Variants in ABCA12 observed in about 807,000 individuals in gnomAD.
ABCA12 encodes ATP binding cassette subfamily A member 12.
In ABCA12, 156 loss-of-function variants were observed where a neutral mutation model predicts 293.5. The ratio of observed to expected loss-of-function variants is 0.53; its 90% CI spans 0.47 to 0.61. The LOEUF is 0.61. ABCA12 is among the 20% of genes least tolerant of loss of function. The probability of loss-of-function intolerance (pLI) is 0.00; values close to 1 mark genes in which losing one functional copy is unlikely to be tolerated. For synonymous variants in ABCA12, 1,063 were observed against 1,108.0 expected, an observed-to-expected ratio of 0.96 and a Z score of 0.81; for missense variants, 2,797 against 3,090.2, an observed-to-expected ratio of 0.91 and a Z score of 2.25.
rs753712967 is a variant in ABCA12, at chr2:215,138,124, C to CT, written c.69+15dup. On this transcript the variant is annotated intron_variant, in intron 1 of 52. Transcript: ENST00000272895. ...TTGCCCCATGACCCATACTCCCACA[C>CT]TTTTTTTTAACTCACCGGCTGCCTT... 2.0e-5 allele frequency: 32 copies of CT among 1,611,320 alleles called. 1 individual carries two copies. Among genetic ancestry groups the CT allele is most frequent in the African/African-American group, 1.1e-4 (8 of 74,870 alleles).
chr2:215,026,710 A>T, intron 10 of ABCA12, 110 bp downstream of exon 10: 1 of 906,490 alleles, frequency 1.1e-6, no homozygotes, highest in Non-Finnish European at 1.9e-6. Flanking sequence ...TATGGAAACT[A>T]AGATTTTACA....
intron 1 of ABCA12, among the ~76,000 whole-genome samples, chr2:215,133,654 TG>T (rs537576072): frequency 1.9e-4 from 29 of 152,290 alleles, no homozygotes; most frequent in Admixed American, 7.8e-4. Flanking sequence ...CAACTGCACC[TG>T]GTTGGCTTTC....
At chr2:215,103,180 C>A (rs1702391969) in intron 2 of ABCA12, among the ~76,000 whole-genome samples, 1 of 151,392 alleles carries the variant, frequency 6.6e-6, no homozygotes, top group African/African-American at 2.4e-5. Flanking sequence ...TTAATTAGTG[C>A]TTAATAGATG....
chr2:215,049,152 T>C (rs1575010047), intron 6 of ABCA12, among the ~76,000 whole-genome samples: 1 of 152,168 alleles, frequency 6.6e-6, no homozygotes, highest in Non-Finnish European at 1.5e-5. Flanking sequence ...CCCCTGAACC[T>C]AAAATAAAAG....
At chr2:215,059,181 A>G (rs1701479161) in intron 3 of ABCA12, among the ~76,000 whole-genome samples, 1 of 152,062 alleles carries the variant, frequency 6.6e-6, no homozygotes, top group Non-Finnish European at 1.5e-5. Flanking sequence ...ATGGGTATGT[A>G]GTGGCACCTG....
At chr2:214,994,379 G>A (rs148098252) in intron 23 of ABCA12, among the ~76,000 whole-genome samples, 206 of 152,266 alleles carry the variant, frequency 1.4e-3, no homozygotes, top group African/African-American at 4.5e-3. Context: ...AGAAAACCCC[G>A]CTGCCTAGTA....
intron 42 of ABCA12, among the ~76,000 whole-genome samples, chr2:214,955,673 A>G (rs2105933677): frequency 6.6e-6 from 1 of 152,308 alleles, no homozygotes; most frequent in East Asian, 1.9e-4. Flanking sequence ...CAGAAAAGAA[A>G]TGCCTTAATT....
At chr2:215,054,437 G>A (rs1701380884) in intron 4 of ABCA12, 136 bp downstream of exon 4, 2 of 753,268 alleles carry the variant, frequency 2.7e-6, no homozygotes, top group South Asian at 3.0e-5. Context: ...GCAACCATGA[G>A]GAACGTTTAG....
rs112210833 is a variant in ABCA12, at chr2:215,118,167, C to T, written c.70-6477G>A. 6.9e-3 allele frequency among the ~76,000 whole-genome samples: 1,049 copies of T among 152,132 alleles called. 5 individuals carry two copies. Among genetic ancestry groups the T allele is most frequent in the Admixed American group, 0.011 (161 of 15,264 alleles). On this transcript the variant is annotated intron_variant, in intron 1 of 52. Transcript: ENST00000272895. ...CTGTAATCCCAGCACTTTGGGAGGC[C>T]GAGGCGGGCAGATTGCTTGAGGTCA...
In ABCA12 at chr2:215,120,334, C is replaced by T. The variant is rs1019991776; in HGVS notation, c.70-8644G>A. ...TACCTATTTGGTACTATGCTCACCA[C>T]TTGGATGCAATATACTCATCTAACA... On this transcript the variant is annotated intron_variant, in intron 1 of 52. Transcript: ENST00000272895. Among the ~76,000 whole-genome samples the T allele has an allele frequency of 2.0e-5, 3 of 152,014 alleles. No individual in the cohort carries two copies. The East Asian group carries it at 5.8e-4, about 29-fold the overall frequency.
intron 2 of ABCA12, among the ~76,000 whole-genome samples, chr2:215,099,899 A>G (rs1359971228): frequency 2.6e-5 from 4 of 152,174 alleles, no homozygotes; most frequent in African/African-American, 7.2e-5. Flanking sequence ...TGTAAAACAC[A>G]AAATTAAATA....
At chr2:215,003,362 C>T (rs146796862) in intron 20 of ABCA12, among the ~76,000 whole-genome samples, 1 of 152,224 alleles carries the variant, frequency 6.6e-6, no homozygotes, top group Non-Finnish European at 1.5e-5. Flanking sequence ...TTTTAAACGA[C>T]CATGTGAGGA....
intron 1 of ABCA12, among the ~76,000 whole-genome samples, chr2:215,112,418 TCCA>T (rs1702591997): frequency 6.6e-6 from 1 of 151,380 alleles, no homozygotes; most frequent in Non-Finnish European, 1.5e-5. Context: ...TACCTAAATT[TCCA>T]CCACTCGATG....
At chr2:215,124,054 A>G (rs1380601591) in intron 1 of ABCA12, among the ~76,000 whole-genome samples, 1 of 152,220 alleles carries the variant, frequency 6.6e-6, no homozygotes, top group Non-Finnish European at 1.5e-5. Context: ...TTCACTTAGA[A>G]TAATAGTCTC....
rs886055612 is a variant in ABCA12, at chr2:215,025,774, G to C, written c.1186C>G (p.Leu396Val). ...DSLARGSPENLRLLQSTIRFK... is the reference protein window; with the variant it reads ...DSLARGSPENVRLLQSTIRFK... Reference sequence around the variant, plus strand: ...CGTATTGTGGACTGCAGGAGTCTTAGATTTTCTGTAAAGGAAGGGAGAAGA... The same window carrying C: ...CGTATTGTGGACTGCAGGAGTCTTACATTTTCTGTAAAGGAAGGGAGAAGA... Residue 396 changes from leucine (L) to valine (V), a missense_variant, in exon 11 of 53, where the codon CTA becomes GTA. Around this residue, in one of 3 missense-constraint regions of ABCA12, gnomAD observed 656 missense variants for 638.2 expected, o/e 1.03. Transcript: ENST00000272895. The C allele has an allele frequency of 9.3e-6, 15 of 1,609,404 alleles. No individual in the cohort carries two copies. The East Asian group carries it at 2.7e-4, about 29-fold the overall frequency.
intron 7 of ABCA12, 132 bp from the exon 8 acceptor site, chr2:215,037,197 GTAATT>G (rs1701012350): frequency 1.4e-6 from 1 of 719,912 alleles, no homozygotes; most frequent in South Asian, 1.6e-5. Flanking sequence ...GCTACTTTTT[GTAATT>G]TAATTACTTG....
Position 214,978,790 on chromosome 2 carries a change from A to C in ABCA12, c.4977+14T>G. 6.2e-7 allele frequency: 1 copy of C among 1,610,496 alleles called. No individual in the cohort carries two copies. Among genetic ancestry groups the C allele is most frequent in the Non-Finnish European group, 8.5e-7 (1 of 1,176,768 alleles). Reference sequence around the variant, plus strand: ...ATATCAGCTTGAAGAAAAAAAAGAAATATTGAGGTATACCTCCTCCACGGT... The same window carrying C: ...ATATCAGCTTGAAGAAAAAAAAGAACTATTGAGGTATACCTCCTCCACGGT... On this transcript the variant is annotated intron_variant, in intron 32 of 52. Coordinates refer to ENST00000272895, the MANE Select transcript of ABCA12 (RefSeq NM_173076.3).
intron 51 of ABCA12, among the ~76,000 whole-genome samples, chr2:214,936,835 T>A (rs1480602069): frequency 6.6e-6 from 1 of 152,032 alleles, no homozygotes; most frequent in East Asian, 1.9e-4. Context: ...ACCTTGGTCA[T>A]ATAATACCTG....
At chr2:214,980,257 G>T (rs748495788) in intron 31 of ABCA12, among the ~76,000 whole-genome samples, 3 of 152,074 alleles carry the variant, frequency 2.0e-5, no homozygotes, top group African/African-American at 4.8e-5. Flanking sequence ...AATACATTCT[G>T]CACTCCCATC....
Sources: gnomAD v4.1 joint callset for allele counts (sites outside exome capture counted in the v4.1 genomes callset) on GRCh38, gnomAD v4.1.1 for gene constraint, gnomAD v4.1.1 regional missense constraint, MANE v1.5 for transcripts, NCBI Gene and HGNC (gene_info 2026-07-23, HGNC 2026-07-21) for gene names.